GRAMD4: variants seen among roughly 807,000 people sequenced by gnomAD.
GRAMD4 encodes the protein GRAM domain containing 4.
A neutral mutation model predicts 83.9 loss-of-function variants in GRAMD4; 25 were observed. The observed-to-expected ratio is 0.30, with a 90% confidence interval of 0.22 to 0.42. The LOEUF (loss-of-function observed/expected upper bound fraction) is 0.42, where lower values mean the gene tolerates loss of function less well. GRAMD4 is among the 10% of genes least tolerant of loss of function. GRAMD4 has a pLI of 1.00. For missense variants in GRAMD4, 593 were observed against 788.7 expected (o/e 0.75, Z 2.97); for synonymous variants, 336 against 320.9 (o/e 1.05, Z -0.50).
intron 3 of GRAMD4, among the ~76,000 whole-genome samples, chr22:46,649,229 G>A (rs1335829168): frequency 6.6e-6 from 1 of 152,206 alleles, no homozygotes; most frequent in South Asian, 2.1e-4. Flanking sequence ...CCCACACTCA[G>A]CAGGGAGCAG....
intron 1 of GRAMD4, among the ~76,000 whole-genome samples, chr22:46,610,884 A>G (rs547676283): frequency 1.2e-4 from 19 of 152,224 alleles, no homozygotes; most frequent in African/African-American, 4.6e-4. Flanking sequence ...CTGTGCCTAC[A>G]CTTAGGTTTT....
intron 3 of GRAMD4, among the ~76,000 whole-genome samples, chr22:46,656,444 C>T (rs1193632407): frequency 1.3e-5 from 2 of 152,154 alleles, no homozygotes; most frequent in African/African-American, 2.4e-5. Context: ...TGGGCACGGC[C>T]CCCTGCTGTT....
upstream of GRAMD4, among the ~76,000 whole-genome samples, chr22:46,616,232 C>T (rs1410613553): frequency 2.1e-5 from 1 of 47,836 alleles, no homozygotes; most frequent in African/African-American, 8.7e-5. Context: ...GTGTAGGTTC[C>T]CCTGTGCGTG....
In GRAMD4 at chr22:46,663,849, A is replaced by G. The variant is rs2082367919; in HGVS notation, c.611A>G (p.Asn204Ser). The G allele has an allele frequency of 6.2e-7, 1 of 1,613,404 alleles. No individual in the cohort carries two copies. Among genetic ancestry groups the G allele is most frequent in the East Asian group, 2.2e-5 (1 of 44,876 alleles). ...CCCTTCTCTCTTAGGTTAACTGAAA[A>G]TATGAGACGGCTCAGTGAGTACCAG... is the stretch of plus-strand genomic sequence containing the variant. ...EPLSARRLTENMRRLKRGAKP... is the reference protein window; with the variant it reads ...EPLSARRLTESMRRLKRGAKP... The change falls in exon 7 of 19, where the codon AAT becomes AGT. Residue 204 changes from asparagine (N) to serine (S), a missense_variant. Physicochemically the swap from Asn to Ser is conservative, Grantham distance 46. Around this residue, in one of 4 missense-constraint regions of GRAMD4, gnomAD observed 312 missense variants for 350.7 expected, o/e 0.89. Coordinates refer to ENST00000406902, the MANE Select transcript of GRAMD4 (RefSeq NM_015124.5).
rs762547557 is a variant in GRAMD4, at chr22:46,664,124, G to A, written c.717+7G>A. On this transcript the variant is annotated splice_region_variant and intron_variant, in intron 8 of 18. Coordinates refer to ENST00000406902, the MANE Select transcript of GRAMD4 (RefSeq NM_015124.5). Reference sequence around the variant, plus strand: ...GTCTGCCATTGCCTTCACCGTGAGTGGGTCCTCCAGGGGCCGAGCAGGGTG... The same window carrying A: ...GTCTGCCATTGCCTTCACCGTGAGTAGGTCCTCCAGGGGCCGAGCAGGGTG... The A allele has an allele frequency of 1.4e-5, 23 of 1,594,718 alleles. No individual in the cohort carries two copies. The East Asian group carries it at 4.9e-4, about 34-fold the overall frequency.
chr22:46,603,039 C>G (rs1039800849), intron 1 of GRAMD4, among the ~76,000 whole-genome samples: 2 of 151,972 alleles, frequency 1.3e-5, no homozygotes, highest in South Asian at 4.2e-4. Context: ...CCACACCTGA[C>G]CTCTTGTCCA....
Position 46,658,272 on chromosome 22 carries a change from G to T in GRAMD4, c.369G>T (p.Glu123Asp), listed in dbSNP as rs536149660. 1 of 1,613,056 alleles carries T rather than the reference G, an allele frequency of 6.2e-7. No homozygotes were observed. The highest frequency in any genetic ancestry group is 2.2e-5 in the East Asian group (1 of 44,876). Residue 123 changes from glutamate to aspartate, a missense_variant, in exon 4 of 19, where the codon GAG becomes GAT. This residue lies in a region of GRAMD4 where 312 missense variants were observed against 350.7 expected (regional missense o/e 0.89). Transcript: ENST00000406902. Reference protein sequence around the residue: ...ELDRERQRRMELEQKVQEVLK... With the variant: ...ELDRERQRRMDLEQKVQEVLK... ...ACCGCGAGCGGCAGCGGCGGATGGA[G>T]CTGGAGCAGAAGGTGCAGGAGGTGC...
chr22:46,599,008 C>T (rs1341458530), intron 1 of GRAMD4, among the ~76,000 whole-genome samples: 5 of 152,120 alleles, frequency 3.3e-5, no homozygotes, highest in African/African-American at 1.2e-4. Context: ...AGCTCAGTGC[C>T]CTGCAGCACC....
At chr22:46,640,893 C>T (rs2081966097) in intron 3 of GRAMD4, among the ~76,000 whole-genome samples, 1 of 132,556 alleles carries the variant, frequency 7.5e-6, no homozygotes, top group African/African-American at 2.8e-5. Context: ...GTAAATATTT[C>T]AGTGGATAGC....
At chr22:46,667,271 C>G (rs1021753435) in intron 10 of GRAMD4, among the ~76,000 whole-genome samples, 2 of 152,262 alleles carry the variant, frequency 1.3e-5, no homozygotes, top group South Asian at 2.1e-4. Context: ...GCCCACCTCT[C>G]GGAGGTTGCA....
intron 1 of GRAMD4, among the ~76,000 whole-genome samples, chr22:46,589,827 T>C (rs2081188898): frequency 6.6e-6 from 1 of 152,132 alleles, no homozygotes. Context: ...TGCCAGGACC[T>C]CAGCCCCTGC....
chr22:46,674,628 AGT>A (rs775112320), intron 15 of GRAMD4, 27 bp from the exon 16 acceptor site: 2 of 1,471,232 alleles, frequency 1.4e-6, no homozygotes, highest in Non-Finnish European at 1.9e-6. Context: ...TCCAGTGGAA[AGT>A]GTGACAGGCG....
intron 3 of GRAMD4, among the ~76,000 whole-genome samples, chr22:46,642,304 G>GATCCATGGGGATACA (rs2081984742): frequency 6.6e-6 from 1 of 152,230 alleles, no homozygotes; most frequent in Non-Finnish European, 1.5e-5. Flanking sequence ...ACTCCATGGG[G>GATCCATGGGGATACA]ATCCTGGGGC....
At chr22:46,646,221 G>A (rs936296976) in intron 3 of GRAMD4, among the ~76,000 whole-genome samples, 20 of 152,242 alleles carry the variant, frequency 1.3e-4, no homozygotes, top group African/African-American at 4.6e-4. Context: ...TGGATTCCCG[G>A]CAGATGCACT....
chr22:46,680,697 C>CCCAT (rs1462493497), downstream of GRAMD4, among the ~76,000 whole-genome samples: 8 of 116,154 alleles, frequency 6.9e-5, no homozygotes, highest in African/African-American at 2.3e-4. Context: ...TATTCATCCA[C>CCCAT]CCATCCATCC....
At chr22:46,666,752 G>A (rs1439618596) in intron 9 of GRAMD4, 73 bp from the exon 10 acceptor site, 4 of 1,277,672 alleles carry the variant, frequency 3.1e-6, no homozygotes, top group East Asian at 4.7e-5. Context: ...GGGCGTGCAG[G>A]GCCAGCGATT....
Position 46,677,596 on chromosome 22 carries a change from C to T in GRAMD4, c.*345C>T, listed in dbSNP as rs2082618485. The T allele has an allele frequency of 1.9e-6, 2 of 1,046,576 alleles. No individual in the cohort carries two copies. Among genetic ancestry groups the T allele is most frequent in the Non-Finnish European group, 2.3e-6 (2 of 867,616 alleles). The allele number at this position is 1,046,576 out of a possible 1,614,324, so 64.8% of individuals were successfully genotyped here. On this transcript the variant is annotated 3_prime_UTR_variant, in exon 19 of 19. Transcript: ENST00000406902. ...TCCAGCCTGGACAGAGAAACCTCTC[C>T]AGCCACCCCAAGAGGTTCTCGCAAC...
Position 46,650,744 on chromosome 22 carries a change from C to T in GRAMD4, c.284-7443C>T, listed in dbSNP as rs571812674. Among the ~76,000 whole-genome samples the T allele has an allele frequency of 5.5e-4, 84 of 152,280 alleles. 1 individual carries two copies. The highest frequency in any genetic ancestry group is 3.7e-3 in the Admixed American group (57 of 15,296). On this transcript the variant is annotated intron_variant, in intron 3 of 18. Transcript: ENST00000406902. ...GCCACGCCAGGCTCTTGTCCTGTCC[C>T]GGGGGCTCCTAGTCTGTGGCTGATT...
At chr22:46,649,361 G>A (rs1601632960) in intron 3 of GRAMD4, among the ~76,000 whole-genome samples, 2 of 152,158 alleles carry the variant, frequency 1.3e-5, no homozygotes, top group Non-Finnish European at 2.9e-5. Context: ...ACGTGCTGTC[G>A]AGCACACGAC....
Sources: allele counts gnomAD v4.1 joint callset (sites outside exome capture counted in the v4.1 genomes callset), GRCh38; gene constraint gnomAD v4.1.1; regional missense constraint gnomAD v4.1.1; transcripts MANE v1.5; gene names NCBI Gene and HGNC (gene_info 2026-07-23, HGNC 2026-07-21).